The following EBF1 variants were observed in gnomAD, a reference collection of about 807,000 sequenced individuals.
EBF1 encodes EBF transcription factor 1, also known as transcription factor COE1.
Under a neutral mutation model 68.4 loss-of-function variants are expected in EBF1, and 10 were observed. The ratio of observed to expected loss-of-function variants is 0.15; its 90% CI spans 0.09 to 0.25. EBF1 has a LOEUF of 0.25. Among genes scored for constraint, EBF1 ranks in the 10% least tolerant of loss-of-function variants. EBF1 has a pLI of 1.00. For synonymous variants in EBF1, 298 were observed against 299.8 expected, an observed-to-expected ratio of 0.99 and a Z score of 0.06; for missense variants, 509 against 794.4, an observed-to-expected ratio of 0.64 and a Z score of 4.32.
chr5:159,057,104 C>CTTTTTT (rs1205129627), intron 6 of EBF1, among the ~76,000 whole-genome samples: 221 of 110,632 alleles, frequency 2.0e-3, no homozygotes, highest in Middle Eastern at 5.3e-3. Context: ...CTTTTCTTTT[C>CTTTTTT]TTTTTTTTTT....
At chr5:158,913,709 T>C (rs751414796) in intron 6 of EBF1, among the ~76,000 whole-genome samples, 4 of 152,226 alleles carry the variant, frequency 2.6e-5, no homozygotes, top group Non-Finnish European at 4.4e-5. Context: ...TCTCTGCCTC[T>C]CGGACACCTA....
chr5:158,930,442 G>C (rs759128690), intron 6 of EBF1, among the ~76,000 whole-genome samples: 1 of 152,188 alleles, frequency 6.6e-6, no homozygotes, highest in Non-Finnish European at 1.5e-5. Context: ...GGCAGGTTCT[G>C]CGCCTCTGAT....
chr5:158,944,788 G>C (rs1814276416), intron 6 of EBF1, among the ~76,000 whole-genome samples: 1 of 152,208 alleles, frequency 6.6e-6, no homozygotes. Flanking sequence ...GGATCTCATT[G>C]TGGTTTTGAT....
intron 4 of EBF1, among the ~76,000 whole-genome samples, chr5:159,091,862 C>T (rs1781711894): frequency 6.6e-6 from 1 of 152,180 alleles, no homozygotes; most frequent in Admixed American, 6.5e-5. Flanking sequence ...CTTTCAAATC[C>T]ATACATACAA....
chr5:159,042,944 C>T lies in EBF1; in HGVS notation c.554+30452G>A, dbSNP rs1387845724. 4.0e-5 allele frequency among the ~76,000 whole-genome samples: 6 copies of T among 151,806 alleles called. No individual in the cohort carries two copies. In the East Asian group the frequency reaches 1.2e-3, roughly 29 times the overall value. On this transcript the variant is annotated intron_variant, in intron 6 of 15. Transcript: ENST00000313708. ...TGCTTAAGGTTAGGCTTCAGGAAAG[C>T]CCTCTTAAAAAATATCTCTGGAAAG...
Position 158,963,679 on chromosome 5 carries a change from T to C in EBF1, c.554+109717A>G, listed in dbSNP as rs145628927. On this transcript the variant is annotated intron_variant, in intron 6 of 15. Transcript: ENST00000313708. ...CTTGGGTAGGAAAAAAACAAAGATA[T>C]TAAATCGAAACATTTAAACATGACA... Among the ~76,000 whole-genome samples the C allele has an allele frequency of 3.4e-3, 519 of 152,268 alleles. 7 individuals are homozygous for C. The highest frequency in any genetic ancestry group is 0.012 in the African/African-American group (503 of 41,534).
chr5:159,054,702 T>A (rs1193274946), intron 6 of EBF1, among the ~76,000 whole-genome samples: 1 of 152,210 alleles, frequency 6.6e-6, no homozygotes, highest in Admixed American at 6.5e-5. Context: ...AACAATTATT[T>A]AATGAGCATG....
intron 9 of EBF1, among the ~76,000 whole-genome samples, chr5:158,795,726 TCA>T (rs1197408110): frequency 6.6e-6 from 1 of 152,106 alleles, no homozygotes; most frequent in African/African-American, 2.4e-5. Flanking sequence ...AAAAGAACAA[TCA>T]CAGTGCTTGG....
At chr5:158,875,032 C>G (rs1030340268) in intron 6 of EBF1, among the ~76,000 whole-genome samples, 1 of 130,518 alleles carries the variant, frequency 7.7e-6, no homozygotes, top group Non-Finnish European at 1.6e-5. Flanking sequence ...GAGAGATGAA[C>G]ACACACAAGC....
chr5:158,969,249 C>A (rs930214561), intron 6 of EBF1, among the ~76,000 whole-genome samples: 2 of 152,112 alleles, frequency 1.3e-5, no homozygotes, highest in African/African-American at 2.4e-5. Context: ...TTTCAGTAAG[C>A]CAAAATTGCA....
chr5:158,965,087 A>G (rs971467002), intron 6 of EBF1, among the ~76,000 whole-genome samples: 1 of 152,206 alleles, frequency 6.6e-6, no homozygotes, highest in Admixed American at 6.5e-5. Flanking sequence ...TTTACTTTTT[A>G]GCTCTGGTTG....
chr5:158,999,819 A>T (rs1440954712), intron 6 of EBF1, among the ~76,000 whole-genome samples: 1 of 152,228 alleles, frequency 6.6e-6, no homozygotes, highest in Non-Finnish European at 1.5e-5. Context: ...AAAAATAAGC[A>T]TTAAAACTTT....
intron 6 of EBF1, among the ~76,000 whole-genome samples, chr5:158,865,964 A>T (rs1795795613): frequency 6.6e-6 from 1 of 152,224 alleles, no homozygotes; most frequent in Non-Finnish European, 1.5e-5. Context: ...GAGTGGAGAA[A>T]GGAGGAAGTG....
At chr5:158,965,530 T>G (rs1203919959) in intron 6 of EBF1, among the ~76,000 whole-genome samples, 1 of 152,222 alleles carries the variant, frequency 6.6e-6, no homozygotes, top group East Asian at 1.9e-4. Context: ...TCCATACAGT[T>G]AAATCACGGT....
chr5:158,757,001 A>G (rs905512591), intron 10 of EBF1, among the ~76,000 whole-genome samples: 1 of 151,582 alleles, frequency 6.6e-6, no homozygotes, highest in South Asian at 2.1e-4. Flanking sequence ...AAAGAAAAAG[A>G]AAGTGGGCTC....
chr5:158,948,721 C>G (rs929176785), intron 6 of EBF1, among the ~76,000 whole-genome samples: 2 of 152,204 alleles, frequency 1.3e-5, no homozygotes, highest in African/African-American at 4.8e-5. Flanking sequence ...TCCAGCCCTG[C>G]TCAGCGACCC....
chr5:158,963,015 G>A (rs1753339601), intron 6 of EBF1, among the ~76,000 whole-genome samples: 1 of 152,104 alleles, frequency 6.6e-6, no homozygotes, highest in African/African-American at 2.4e-5. Flanking sequence ...CAGCAAAGCT[G>A]AAAAAGCATA....
At chr5:158,921,163 A>G (rs963167375) in intron 6 of EBF1, among the ~76,000 whole-genome samples, 2 of 152,226 alleles carry the variant, frequency 1.3e-5, no homozygotes, top group African/African-American at 4.8e-5. Context: ...TTAGGAAAAT[A>G]GATGAATGAT....
intron 6 of EBF1, among the ~76,000 whole-genome samples, chr5:158,995,668 C>T (rs1019258318): frequency 6.6e-6 from 1 of 152,148 alleles, no homozygotes; most frequent in Non-Finnish European, 1.5e-5. Flanking sequence ...CCTCTCCGAC[C>T]TTCTTACAGG....
Sources: gnomAD v4.1 joint callset for allele counts (sites outside exome capture counted in the v4.1 genomes callset) on GRCh38, gnomAD v4.1.1 for gene constraint, MANE v1.5 for transcripts, NCBI Gene and HGNC (gene_info 2026-07-23, HGNC 2026-07-21) for gene names.